The following LSAMP variants were observed in gnomAD, a reference collection of about 807,000 sequenced individuals.
LSAMP encodes the protein limbic system-associated membrane protein.
LSAMP carries 7 observed loss-of-function variants against 38.6 expected under a neutral mutation model. That is an observed-to-expected ratio of 0.18 (90% CI 0.10 to 0.34). The LOEUF is 0.34. Among genes scored for constraint, LSAMP ranks in the 10% least tolerant of loss-of-function variants. LSAMP has a pLI of 1.00. For missense variants in LSAMP, 313 were observed against 420.0 expected, an observed-to-expected ratio of 0.75 and a Z score of 2.23; for synonymous variants, 154 against 166.8, an observed-to-expected ratio of 0.92 and a Z score of 0.59.
At chr3:116,403,675 G>T (rs2048866556) in intron 1 of LSAMP, among the ~76,000 whole-genome samples, 1 of 152,014 alleles carries the variant, frequency 6.6e-6, no homozygotes, top group Non-Finnish European at 1.5e-5. Flanking sequence ...CAAGATTTAT[G>T]CAGTGAATGT....
chr3:116,015,760 C>A (rs6807809), intron 3 of LSAMP, among the ~76,000 whole-genome samples: 20,505 of 135,102 alleles, frequency 0.15, 1,541 homozygotes, highest in Non-Finnish European at 0.19. Flanking sequence ...TGGCCTTACC[C>A]AATTTTTTTT....
chr3:116,017,454 T>C (rs981538402), intron 3 of LSAMP, among the ~76,000 whole-genome samples: 2 of 152,078 alleles, frequency 1.3e-5, no homozygotes, highest in African/African-American at 4.8e-5. Flanking sequence ...ACATTTAAGT[T>C]AATTAGAAAA....
intron 1 of LSAMP, among the ~76,000 whole-genome samples, chr3:116,184,057 A>G (rs1403004265): frequency 2.0e-5 from 3 of 151,872 alleles, no homozygotes; most frequent in African/African-American, 7.2e-5. Context: ...CAGATACGAA[A>G]GTTGAACTCG....
intron 1 of LSAMP, among the ~76,000 whole-genome samples, chr3:116,309,011 T>C (rs2047521881): frequency 6.6e-6 from 1 of 152,116 alleles, no homozygotes. Flanking sequence ...CTTTGCCTCA[T>C]TCTACAGCAA....
At chr3:116,019,157 T>TGGG (rs35506484) in intron 3 of LSAMP, among the ~76,000 whole-genome samples, 1 of 97,682 alleles carries the variant, frequency 1.0e-5, no homozygotes, top group African/African-American at 3.3e-5. Context: ...GCATTGTGGG[T>TGGG]GGGGGGGGGG....
At chr3:116,328,517 T>C (rs2047805075) in intron 1 of LSAMP, among the ~76,000 whole-genome samples, 1 of 152,224 alleles carries the variant, frequency 6.6e-6, no homozygotes, top group Non-Finnish European at 1.5e-5. Flanking sequence ...ATGCCTAATA[T>C]GCTTCCATAA....
intron 1 of LSAMP, among the ~76,000 whole-genome samples, chr3:116,091,238 C>A (rs908469381): frequency 3.3e-5 from 5 of 152,214 alleles, no homozygotes; most frequent in East Asian, 1.9e-4. Flanking sequence ...GGCTCACCGG[C>A]GGCCAGAGTT....
At chr3:116,218,209 A>G (rs373130509) in intron 1 of LSAMP, among the ~76,000 whole-genome samples, 5 of 152,096 alleles carry the variant, frequency 3.3e-5, no homozygotes, top group East Asian at 1.9e-4. Context: ...GGAAAGTCAG[A>G]CTTACCTACT....
intron 1 of LSAMP, among the ~76,000 whole-genome samples, chr3:116,152,418 C>T (rs1374502857): frequency 2.0e-5 from 3 of 152,032 alleles, no homozygotes; most frequent in Non-Finnish European, 2.9e-5. Flanking sequence ...AGTGGTGGAG[C>T]TGGGGTGCAC....
chr3:115,882,510 A>G (rs1936347852), intron 3 of LSAMP, among the ~76,000 whole-genome samples: 1 of 151,970 alleles, frequency 6.6e-6, no homozygotes, highest in Non-Finnish European at 1.5e-5. Flanking sequence ...TACATTTTTG[A>G]TATACCTTAC....
intron 3 of LSAMP, among the ~76,000 whole-genome samples, chr3:116,018,316 G>A (rs542863716): frequency 1.1e-3 from 165 of 152,114 alleles, no homozygotes; most frequent in African/African-American, 3.5e-3. Flanking sequence ...TCAAAGAGAG[G>A]ACCCATCTTT....
intron 3 of LSAMP, among the ~76,000 whole-genome samples, chr3:115,868,060 T>G (rs1000987175): frequency 6.6e-6 from 1 of 152,118 alleles, no homozygotes; most frequent in African/African-American, 2.4e-5. Context: ...ATAGTTACAG[T>G]TGGTCTAAGG....
chr3:116,372,065 T>C (rs2048436774), intron 1 of LSAMP, among the ~76,000 whole-genome samples: 1 of 152,030 alleles, frequency 6.6e-6, no homozygotes, highest in East Asian at 1.9e-4. Flanking sequence ...TGTTTACAGA[T>C]TGAAAGACAA....
chr3:116,169,472 G>A (rs904969660), intron 1 of LSAMP, among the ~76,000 whole-genome samples: 2 of 152,174 alleles, frequency 1.3e-5, no homozygotes, highest in Non-Finnish European at 1.5e-5. Context: ...AGCTTCCAGA[G>A]CCTGCTTCCC....
intron 1 of LSAMP, among the ~76,000 whole-genome samples, chr3:116,274,954 C>CA (rs10662824): frequency 0.24 from 33,314 of 136,154 alleles, 4,763 homozygotes; most frequent in Non-Finnish European, 0.32. Flanking sequence ...TAAAAATAGC[C>CA]AAAAAAAAAA....
intron 1 of LSAMP, among the ~76,000 whole-genome samples, chr3:116,336,994 A>G (rs2047928359): frequency 6.6e-6 from 1 of 151,712 alleles, no homozygotes; most frequent in Non-Finnish European, 1.5e-5. Context: ...TTAAGTCTTG[A>G]AAAAAAGCAT....
At position 116,398,168 on chromosome 3, in the gene LSAMP, A is replaced by T. The variant is rs1253438683; in HGVS notation, c.155+46709T>A. 2.0e-5 allele frequency among the ~76,000 whole-genome samples: 3 copies of T among 152,170 alleles called. 1 individual carries two copies. In the South Asian group the frequency reaches 6.2e-4, roughly 31 times the overall value. On this transcript the variant is annotated intron_variant, in intron 1 of 6. Coordinates refer to ENST00000490035, the MANE Select transcript of LSAMP (RefSeq NM_002338.5). ...AACCATAAATTTAAGACGTATAATA[A>T]AGACATAATTAGGATTTCTAATATT...
chr3:115,855,869 T>C (rs1328834043), intron 3 of LSAMP, among the ~76,000 whole-genome samples: 1 of 152,218 alleles, frequency 6.6e-6, no homozygotes. Flanking sequence ...CTCCCTGTTG[T>C]CATGCTTCCT....
intron 3 of LSAMP, among the ~76,000 whole-genome samples, chr3:116,008,279 CT>C (rs1940222900): frequency 1.3e-5 from 2 of 152,304 alleles, no homozygotes; most frequent in Admixed American, 6.5e-5. Context: ...AAAGAACTTA[CT>C]TAAACCCATA....
Sources: gnomAD v4.1 joint callset for allele counts (sites outside exome capture counted in the v4.1 genomes callset) on GRCh38, gnomAD v4.1.1 for gene constraint, MANE v1.5 for transcripts, NCBI Gene and HGNC (gene_info 2026-07-23, HGNC 2026-07-21) for gene names.